The following SCN8A variants were observed in gnomAD, a reference collection of about 807,000 sequenced individuals.
SCN8A encodes sodium channel protein type 8 subunit alpha.
A neutral mutation model predicts 184.1 loss-of-function variants in SCN8A; 30 were observed. The ratio of observed to expected loss-of-function variants is 0.16; its 90% CI spans 0.12 to 0.22. The LOEUF (loss-of-function observed/expected upper bound fraction) is 0.22, where lower values mean the gene tolerates loss of function less well. Ranked by LOEUF, SCN8A falls within the 10% of genes least tolerant of loss-of-function variation. The pLI is 1.00. For missense variants in SCN8A, 1,057 were observed against 2,498.9 expected, an observed-to-expected ratio of 0.42 and a Z score of 12.30; for synonymous variants, 852 against 907.0, an observed-to-expected ratio of 0.94 and a Z score of 1.09.
intron 6 of SCN8A, among the ~76,000 whole-genome samples, chr12:51,697,049 AAAAAT>A (rs978117328): frequency 6.6e-6 from 1 of 151,440 alleles, no homozygotes; most frequent in African/African-American, 2.4e-5. Context: ...AAAAAAAAAA[AAAAAT>A]GAAAAAGAAA....
chr12:51,599,343 T>C (rs1241828676), intron 1 of SCN8A, among the ~76,000 whole-genome samples: 1 of 152,178 alleles, frequency 6.6e-6, no homozygotes, highest in Admixed American at 6.5e-5. Context: ...ATAAATTGAT[T>C]TTTTAGGAAA....
intron 1 of SCN8A, among the ~76,000 whole-genome samples, chr12:51,638,586 T>G (rs1940371539): frequency 6.6e-6 from 1 of 151,876 alleles, no homozygotes; most frequent in South Asian, 2.1e-4. Flanking sequence ...TCCCGGGTTC[T>G]AGCAATTCTG....
intron 2 of SCN8A, among the ~76,000 whole-genome samples, chr12:51,663,903 A>ATTTTTTTTTTTTTTTTTTTTTTTT (rs796653928): frequency 1.4e-5 from 1 of 69,804 alleles, no homozygotes; most frequent in Non-Finnish European, 2.7e-5. Flanking sequence ...CATTTGACAG[A>ATTTTTTTTTTTTTTTTTTTTTTTT]TTTTTTTTTT....
intron 13 of SCN8A, among the ~76,000 whole-genome samples, chr12:51,747,529 G>A (rs1176355010): frequency 6.6e-6 from 1 of 152,144 alleles, no homozygotes; most frequent in African/African-American, 2.4e-5. Context: ...ACCTCCAACA[G>A]GTGCATTTTA....
rs568823657 is a variant in SCN8A, at chr12:51,735,896, G to A, written c.1999-10007G>A. Among the ~76,000 whole-genome samples the A allele has an allele frequency of 1.1e-4, 17 of 152,146 alleles. No homozygotes were observed. The South Asian group carries it at 1.9e-3, about 17-fold the overall frequency. On this transcript the variant is annotated intron_variant, in intron 12 of 26. Coordinates refer to ENST00000627620, the MANE Select transcript of SCN8A (RefSeq NM_001330260.2). ...CCCAAGTTATTATTTTACCTATTTC[G>A]CACCTTTTTGTTATTGGCTCTGTCC...
chr12:51,802,370 C>G lies in SCN8A; in HGVS notation c.4796-3912C>G, dbSNP rs1363151086. Among the ~76,000 whole-genome samples the G allele has an allele frequency of 3.9e-5, 6 of 152,028 alleles. No homozygotes were observed. In the East Asian group the frequency reaches 1.2e-3, roughly 29 times the overall value. The stretch of plus-strand genomic sequence containing the variant: ...TGGCAAAAAAGGCTGTCAGAGTTTA[C>G]AAGCTCAGTGTCCCCAGCTTCATCA... On this transcript the variant is annotated intron_variant, in intron 26 of 26. Coordinates refer to ENST00000627620, the MANE Select transcript of SCN8A (RefSeq NM_001330260.2).
In SCN8A at chr12:51,629,189, CTCTG is replaced by C. The variant is rs200060477; in HGVS notation, c.-54-33568_-54-33565del. ...ATGGGCTGCTTAGGAGGTCACTGTTCTCTGTCTGTCATAGCTATTGATATGGCAG... is the reference window on the plus strand; with the variant it reads ...ATGGGCTGCTTAGGAGGTCACTGTTCTCTGTCATAGCTATTGATATGGCAG... On this transcript the variant is annotated intron_variant, in intron 1 of 26. Coordinates refer to ENST00000627620, the MANE Select transcript of SCN8A (RefSeq NM_001330260.2). Among the ~76,000 whole-genome samples, 13 of 152,280 alleles carry C rather than the reference CTCTG, an allele frequency of 8.5e-5. No individual in the cohort carries two copies. The East Asian group carries it at 2.5e-3, about 29-fold the overall frequency.
chr12:51,770,315 T>A (rs750659378), intron 18 of SCN8A: 30 of 603,600 alleles, frequency 5.0e-5, no homozygotes, highest in Non-Finnish European at 8.0e-5. Context: ...GTAGGACATC[T>A]TCTTGACTCC....
chr12:51,674,614 C>A (rs562020345), intron 2 of SCN8A, among the ~76,000 whole-genome samples: 1 of 152,084 alleles, frequency 6.6e-6, no homozygotes, highest in Non-Finnish European at 1.5e-5. Flanking sequence ...GGAATACAGG[C>A]GTGAGCCACT....
intron 2 of SCN8A, among the ~76,000 whole-genome samples, chr12:51,666,281 T>C (rs548970912): frequency 3.9e-4 from 60 of 152,260 alleles, no homozygotes; most frequent in African/African-American, 1.2e-3. Context: ...GTTCAGGGAG[T>C]GTCTTCCACA....
chr12:51,683,698 C>T (rs974788504), intron 2 of SCN8A, among the ~76,000 whole-genome samples: 25 of 152,300 alleles, frequency 1.6e-4, no homozygotes, highest in African/African-American at 5.5e-4. Context: ...ATATGATTTA[C>T]TCATTCATTA....
chr12:51,591,460 G>T (rs1224893231), intron 1 of SCN8A, 101 bp downstream of exon 1: 2 of 152,750 alleles, frequency 1.3e-5, no homozygotes, highest in Non-Finnish European at 2.9e-5. Context: ...TCTCCAGTCA[G>T]GGGCTTTGCC....
intron 13 of SCN8A, among the ~76,000 whole-genome samples, chr12:51,749,576 G>C (rs1283613133): frequency 6.6e-6 from 1 of 152,166 alleles, no homozygotes; most frequent in African/African-American, 2.4e-5. Context: ...GGAGTTCTCT[G>C]AGGAAGAAGC....
rs753589054 is a variant in SCN8A at position 51,688,838 on chromosome 12, C to T, written c.615-167C>T. 1.9e-6 allele frequency: 3 copies of T among 1,613,286 alleles called. No homozygotes were observed. Among genetic ancestry groups the T allele is most frequent in the Non-Finnish European group, 2.5e-6 (3 of 1,179,404 alleles). ...GTACTGAGGGCTTTGAAAACTATTTCGGTAATCCCAGGTAAGATGGTCCGG... is the reference window on the plus strand; with the variant it reads ...GTACTGAGGGCTTTGAAAACTATTTTGGTAATCCCAGGTAAGATGGTCCGG... On this transcript the variant is annotated intron_variant, in intron 5 of 26. Transcript: ENST00000627620.
intron 1 of SCN8A, among the ~76,000 whole-genome samples, chr12:51,648,817 C>A (rs1940647542): frequency 6.6e-6 from 1 of 152,140 alleles, no homozygotes; most frequent in Non-Finnish European, 1.5e-5. Flanking sequence ...CCCCTGGCCC[C>A]TCCAAATCTC....
rs754838879 is a variant in SCN8A at position 51,806,255 on chromosome 12, C to T, written c.4796-27C>T. The T allele has an allele frequency of 6.7e-7, 1 of 1,500,442 alleles. No individual in the cohort carries two copies. Among genetic ancestry groups the T allele is most frequent in the Admixed American group, 2.3e-5 (1 of 43,398 alleles). 92.9% of individuals were successfully genotyped at this position (1,500,442 alleles called of 1,614,324 possible). A position where few individuals can be genotyped will look rare whatever the true frequency, so the allele number is the denominator to read the frequency against. ...GAAAGGGTGTCTCCCATCTCAATAA[C>T]ATAACTTCTTCTATTCCTCTTCTTA... On this transcript the variant is annotated intron_variant, in intron 26 of 26. Coordinates refer to ENST00000627620, the MANE Select transcript of SCN8A (RefSeq NM_001330260.2). The surrounding 1 kb of genome is among the most constrained non-coding windows in gnomAD (Gnocchi z 8.7).
At chr12:51,718,063 G>T (rs1396424958) in intron 11 of SCN8A, among the ~76,000 whole-genome samples, 1 of 152,176 alleles carries the variant, frequency 6.6e-6, no homozygotes, top group African/African-American at 2.4e-5. Flanking sequence ...GGGGACAGGG[G>T]CTTTGTACAT....
At chr12:51,694,572 G>A (rs1161364788) in intron 6 of SCN8A, among the ~76,000 whole-genome samples, 1 of 152,202 alleles carries the variant, frequency 6.6e-6, no homozygotes, top group Non-Finnish European at 1.5e-5. Context: ...TTTTCCAAGA[G>A]TTCTCACTGT....
intron 2 of SCN8A, 126 bp downstream of exon 2, chr12:51,663,219 G>A (rs1940960471): frequency 9.0e-7 from 1 of 1,111,102 alleles, no homozygotes; most frequent in Admixed American, 2.3e-5. Context: ...TTTCAGTTCT[G>A]GCTTGTGGGG....
Sources: gnomAD v4.1 joint callset for allele counts (sites outside exome capture counted in the v4.1 genomes callset) on GRCh38, gnomAD v4.1.1 for gene constraint, Gnocchi (gnomAD v3.1) non-coding constraint, MANE v1.5 for transcripts, NCBI Gene and HGNC (gene_info 2026-07-23, HGNC 2026-07-21) for gene names.